The following SPACA7 variants were observed in gnomAD, a reference collection of about 807,000 sequenced individuals.
SPACA7 encodes the protein sperm acrosome associated 7, also known as sperm acrosome-associated protein 7.
In SPACA7, 19 loss-of-function variants were observed where a neutral mutation model predicts 26.3. That is an observed-to-expected ratio of 0.72 (90% CI 0.50 to 1.06). The LOEUF (loss-of-function observed/expected upper bound fraction) is 1.06, where lower values mean the gene tolerates loss of function less well. SPACA7 is among the 50% of genes least tolerant of loss of function. SPACA7 has a pLI of 0.00. For synonymous variants in SPACA7, 84 were observed against 84.5 expected, an observed-to-expected ratio of 0.99 and a Z score of 0.04; for missense variants, 211 against 229.9, an observed-to-expected ratio of 0.92 and a Z score of 0.53.
Position 112,395,527 on chromosome 13 carries a change from G to A in SPACA7, c.151+2450G>A, listed in dbSNP as rs57000286. On this transcript the variant is annotated intron_variant, in intron 2 of 6. Transcript: ENST00000283550. Reference sequence around the variant, plus strand: ...CTCTTGCCACCCAGGGTGAAGTGCAGTGGCGAGATCTCAACTCACTGCAAC... The same window carrying A: ...CTCTTGCCACCCAGGGTGAAGTGCAATGGCGAGATCTCAACTCACTGCAAC... Among the ~76,000 whole-genome samples the A allele has an allele frequency of 1.0e-3, 159 of 152,266 alleles. 3 individuals are homozygous for A. In the East Asian group the frequency reaches 0.028, roughly 27 times the overall value.
At chr13:112,423,560 C>T (rs1876199572) in intron 5 of SPACA7, among the ~76,000 whole-genome samples, 1 of 152,020 alleles carries the variant, frequency 6.6e-6, no homozygotes, top group African/African-American at 2.4e-5. Context: ...GCATAAAGAG[C>T]TATAAAACCA....
intron 1 of SPACA7, among the ~76,000 whole-genome samples, chr13:112,380,684 G>A (rs551759788): frequency 6.6e-6 from 1 of 151,962 alleles, no homozygotes; most frequent in African/African-American, 2.4e-5. Flanking sequence ...TTAAACCACT[G>A]TAGGACAAAA....
At chr13:112,395,596 G>A (rs1252286226) in intron 2 of SPACA7, among the ~76,000 whole-genome samples, 6 of 152,204 alleles carry the variant, frequency 3.9e-5, no homozygotes, top group African/African-American at 9.6e-5. Flanking sequence ...TCAGCCTCCC[G>A]AGTAGCTGGG....
chr13:112,403,544 C>A (rs139508403), intron 5 of SPACA7, among the ~76,000 whole-genome samples: 39 of 152,124 alleles, frequency 2.6e-4, no homozygotes, highest in African/African-American at 8.7e-4. Flanking sequence ...ACACACTGTA[C>A]CCAATTTGTA....
At chr13:112,413,454 T>C (rs7991453) in intron 5 of SPACA7, among the ~76,000 whole-genome samples, 99,419 of 151,556 alleles carry the variant, frequency 0.66, 33,162 homozygotes, top group African/African-American at 0.78. Context: ...TGCTGCCAGA[T>C]GTATCAGAGC....
chr13:112,385,703 T>C (rs1395499141), intron 1 of SPACA7, among the ~76,000 whole-genome samples: 2 of 152,262 alleles, frequency 1.3e-5, no homozygotes, highest in Admixed American at 6.5e-5. Context: ...ATTTTACTAA[T>C]AATTTTTAAA....
intron 3 of SPACA7, 119 bp from the exon 4 acceptor site, chr13:112,398,947 C>T (rs1885460068): frequency 1.5e-6 from 1 of 676,854 alleles, no homozygotes; most frequent in Non-Finnish European, 2.6e-6. Context: ...CCACATAGAG[C>T]TTGCAAACTG....
At chr13:112,409,476 G>T in intron 5 of SPACA7, among the ~76,000 whole-genome samples, 1 of 151,868 alleles carries the variant, frequency 6.6e-6, no homozygotes, top group Non-Finnish European at 1.5e-5. Context: ...TCTGACAAAG[G>T]GCTAATATCC....
intron 5 of SPACA7, among the ~76,000 whole-genome samples, chr13:112,408,341 T>G (rs1886125084): frequency 6.6e-6 from 1 of 152,124 alleles, no homozygotes; most frequent in African/African-American, 2.4e-5. Flanking sequence ...CCACTCCTAT[T>G]CAACATAGTG....
At chr13:112,403,048 C>T (rs1414192802) in intron 5 of SPACA7, among the ~76,000 whole-genome samples, 1 of 151,696 alleles carries the variant, frequency 6.6e-6, no homozygotes, top group Non-Finnish European at 1.5e-5. Context: ...CTTTTTGGTT[C>T]TTTAGAGCAT....
chr13:112,392,456 G>A (rs1884953859), intron 1 of SPACA7, among the ~76,000 whole-genome samples: 1 of 152,192 alleles, frequency 6.6e-6, no homozygotes, highest in Non-Finnish European at 1.5e-5. Flanking sequence ...GGAGAAAGGG[G>A]GGTGGCCCAT....
At chr13:112,384,864 G>C (rs140780561) in intron 1 of SPACA7, among the ~76,000 whole-genome samples, 74 of 152,204 alleles carry the variant, frequency 4.9e-4, no homozygotes, top group African/African-American at 1.7e-3. Context: ...GTCTTCAAAA[G>C]AGAAAACCAA....
intron 1 of SPACA7, among the ~76,000 whole-genome samples, chr13:112,378,285 A>AT (rs1482767896): frequency 3.3e-5 from 5 of 152,242 alleles, no homozygotes; most frequent in Non-Finnish European, 7.3e-5. Context: ...TTATCAAAAG[A>AT]TAAAAAAAAG....
chr13:112,402,601 T>C (rs78809800), intron 5 of SPACA7, among the ~76,000 whole-genome samples: 3,111 of 152,346 alleles, frequency 0.02, 95 homozygotes, highest in African/African-American at 0.07. Flanking sequence ...ATTCTTGCCT[T>C]GTTCATGGCC....
intron 1 of SPACA7, among the ~76,000 whole-genome samples, chr13:112,380,177 G>T (rs922832189): frequency 2.6e-5 from 4 of 152,114 alleles, no homozygotes; most frequent in Non-Finnish European, 4.4e-5. Flanking sequence ...CACTTTGGGA[G>T]GCCAACATGG....
intron 5 of SPACA7, among the ~76,000 whole-genome samples, chr13:112,430,902 T>C (rs999330012): frequency 2.0e-5 from 3 of 152,208 alleles, no homozygotes; most frequent in African/African-American, 7.2e-5. Flanking sequence ...CTAACCTGAA[T>C]TATCTGCCAA....
intron 1 of SPACA7, among the ~76,000 whole-genome samples, chr13:112,385,355 A>G (rs1290294852): frequency 6.6e-6 from 1 of 152,228 alleles, no homozygotes; most frequent in African/African-American, 2.4e-5. Context: ...TCTTGTATAT[A>G]AAACTGTTTC....
chr13:112,415,241 G>T (rs1256093246), intron 5 of SPACA7, among the ~76,000 whole-genome samples: 1 of 152,060 alleles, frequency 6.6e-6, no homozygotes, highest in Non-Finnish European at 1.5e-5. Context: ...TCTCATGGCC[G>T]CCACAGCTGG....
intron 5 of SPACA7, among the ~76,000 whole-genome samples, chr13:112,402,157 T>C (rs1385269217): frequency 5.9e-5 from 9 of 152,214 alleles, no homozygotes; most frequent in Non-Finnish European, 4.4e-5. Context: ...CAATGTTGAG[T>C]GGATCTATCT....
Sources: allele counts gnomAD v4.1 joint callset (sites outside exome capture counted in the v4.1 genomes callset), GRCh38; gene constraint gnomAD v4.1.1; transcripts MANE v1.5; gene names NCBI Gene and HGNC (gene_info 2026-07-23, HGNC 2026-07-21).